The following FRMD4A variants were observed in gnomAD, a reference collection of about 807,000 sequenced individuals.
FRMD4A encodes FERM domain-containing protein 4A.
Under a neutral mutation model 129.1 loss-of-function variants are expected in FRMD4A, and 29 were observed. The observed-to-expected ratio is 0.22, with a 90% confidence interval of 0.17 to 0.31. The LOEUF (loss-of-function observed/expected upper bound fraction) is 0.31. FRMD4A is among the 10% of genes least tolerant of loss of function. The probability of loss-of-function intolerance (pLI) is 1.00; values close to 1 mark genes in which losing one functional copy is unlikely to be tolerated. For missense variants in FRMD4A, 1,272 were observed against 1,375.8 expected (o/e 0.92, Z 1.19); for synonymous variants, 634 against 571.6 (o/e 1.11, Z -1.56).
chr10:13,737,833 A>G lies in FRMD4A; in HGVS notation c.759+11T>C, dbSNP rs1312619544. 2.0e-6 allele frequency: 3 copies of G among 1,497,714 alleles called. No individual in the cohort carries two copies. In the African/African-American group the frequency reaches 4.1e-5, roughly 21 times the overall value. The allele number at this position is 1,497,714 out of a possible 1,614,324, so 92.8% of individuals were successfully genotyped here. The stretch of plus-strand genomic sequence containing the variant: ...GAGAGGAGTTAAACCCAAGCAGGAG[A>G]CCAGCCTTACCTTTCTTGGCTTCAC... On this transcript the variant is annotated intron_variant, in intron 12 of 24. Transcript: ENST00000357447.
At chr10:13,829,983 C>A (rs1024352730) in intron 3 of FRMD4A, among the ~76,000 whole-genome samples, 1 of 152,222 alleles carries the variant, frequency 6.6e-6, no homozygotes, top group Non-Finnish European at 1.5e-5. Flanking sequence ...GTCGCTGGCA[C>A]CTGATCGGAT....
chr10:14,330,783 G>A lies in FRMD4A; in HGVS notation c.-268C>T, dbSNP rs74816050. 2.0e-3 allele frequency: 811 copies of A among 398,776 alleles called. 6 individuals carry two copies. Among genetic ancestry groups the A allele is most frequent in the African/African-American group, 0.015 (707 of 48,718 alleles). 24.7% of individuals were successfully genotyped at this position (398,776 alleles called of 1,614,324 possible). A position where few individuals can be genotyped will look rare whatever the true frequency, so the allele number is the denominator to read the frequency against. On this transcript the variant is annotated 5_prime_UTR_variant, in exon 1 of 25. Transcript: ENST00000357447. ...GGAACTGACCCTTCCACCTTCCCCA[G>A]ATCTACTTTTCCTCTCCAAGTAGAC...
intron 2 of FRMD4A, among the ~76,000 whole-genome samples, chr10:14,110,478 T>C (rs957348240): frequency 3.3e-5 from 5 of 152,352 alleles, no homozygotes; most frequent in South Asian, 4.1e-4. Flanking sequence ...TGTAAGGCTA[T>C]TCTCTTTTAT....
chr10:14,224,180 A>C (rs1843360172), intron 2 of FRMD4A, among the ~76,000 whole-genome samples: 1 of 152,248 alleles, frequency 6.6e-6, no homozygotes, highest in African/African-American at 2.4e-5. Context: ...AAAAGTGTGC[A>C]GAAAGCCAGC....
chr10:14,132,006 A>T (rs1406069535), intron 2 of FRMD4A, among the ~76,000 whole-genome samples: 2 of 152,188 alleles, frequency 1.3e-5, no homozygotes, highest in East Asian at 1.9e-4. Context: ...ATAAAATTCA[A>T]ACATAAGGCC....
At chr10:13,715,905 CAAAAAAAAAAA>C (rs61600242) in intron 12 of FRMD4A, among the ~76,000 whole-genome samples, 1 of 125,464 alleles carries the variant, frequency 8.0e-6, no homozygotes, top group Non-Finnish European at 1.6e-5. Flanking sequence ...ACTCCCCCCT[CAAAAAAAAAAA>C]AAAAAAAAGA....
intron 2 of FRMD4A, among the ~76,000 whole-genome samples, chr10:13,882,348 A>G (rs2094557028): frequency 6.6e-6 from 1 of 152,160 alleles, no homozygotes; most frequent in Admixed American, 6.5e-5. Context: ...AGAACAGCTG[A>G]CTCCGAGCAA....
intron 12 of FRMD4A, among the ~76,000 whole-genome samples, chr10:13,736,128 G>A (rs2090617019): frequency 6.6e-6 from 1 of 152,076 alleles, no homozygotes; most frequent in Non-Finnish European, 1.5e-5. Context: ...CTCCAGCCTG[G>A]GAGACAGAGC....
chr10:14,079,642 T>A (rs1201451362), intron 2 of FRMD4A, among the ~76,000 whole-genome samples: 1 of 152,156 alleles, frequency 6.6e-6, no homozygotes, highest in Admixed American at 6.5e-5. Flanking sequence ...TTGGTGTGAT[T>A]CTGTGTGTCC....
intron 13 of FRMD4A, among the ~76,000 whole-genome samples, chr10:13,701,999 G>A (rs2086876811): frequency 6.6e-6 from 1 of 152,204 alleles, no homozygotes; most frequent in African/African-American, 2.4e-5. Flanking sequence ...AGGGCAGGGA[G>A]GGTATAAAGA....
chr10:13,864,328 C>T (rs903862494), intron 2 of FRMD4A, among the ~76,000 whole-genome samples: 7 of 109,648 alleles, frequency 6.4e-5, no homozygotes, highest in African/African-American at 1.1e-4. Flanking sequence ...ACAGTGCAAA[C>T]ATCTTGAGTC....
intron 2 of FRMD4A, among the ~76,000 whole-genome samples, chr10:14,328,374 G>A (rs79503343): frequency 1.5e-5 from 2 of 130,592 alleles, no homozygotes; most frequent in East Asian, 2.5e-4. Flanking sequence ...GTGGGTGGGG[G>A]GGGGGGGTGT....
At chr10:13,651,686 C>A (rs2081601538) in intron 24 of FRMD4A, 1 of 562,226 alleles carries the variant, frequency 1.8e-6, no homozygotes, top group Admixed American at 3.1e-5. Context: ...ACAAAACATA[C>A]TCTGGGGGTC....
intron 8 of FRMD4A, among the ~76,000 whole-genome samples, chr10:13,759,090 T>C (rs1295939586): frequency 6.6e-6 from 1 of 152,128 alleles, no homozygotes; most frequent in Non-Finnish European, 1.5e-5. Flanking sequence ...AAAAAGGGTG[T>C]TTATCAGAGA....
chr10:13,743,097 G>T (rs1470830175), intron 9 of FRMD4A, among the ~76,000 whole-genome samples: 1 of 152,124 alleles, frequency 6.6e-6, no homozygotes, highest in African/African-American at 2.4e-5. Context: ...CAGCTACAGG[G>T]GGCCTTGCCT....
At chr10:13,960,078 C>T (rs1297586506) in intron 2 of FRMD4A, among the ~76,000 whole-genome samples, 1 of 152,166 alleles carries the variant, frequency 6.6e-6, no homozygotes, top group Non-Finnish European at 1.5e-5. Flanking sequence ...AGAGAGAATA[C>T]AGGGCTGTTT....
At chr10:14,185,419 A>C (rs902300160) in intron 2 of FRMD4A, among the ~76,000 whole-genome samples, 16 of 152,210 alleles carry the variant, frequency 1.1e-4, no homozygotes, top group Admixed American at 7.9e-4. Flanking sequence ...CCCTAAGCGT[A>C]AGGAGAGCTA....
chr10:13,680,801 C>T (rs1314204116), intron 15 of FRMD4A, among the ~76,000 whole-genome samples: 1 of 151,788 alleles, frequency 6.6e-6, no homozygotes, highest in Admixed American at 6.6e-5. Flanking sequence ...AATACTAGCA[C>T]TCTGGGAGGC....
At chr10:14,311,713 T>C (rs977260284) in intron 2 of FRMD4A, among the ~76,000 whole-genome samples, 3 of 152,016 alleles carry the variant, frequency 2.0e-5, no homozygotes, top group Non-Finnish European at 4.4e-5. Context: ...TTCTCCCTCC[T>C]GCCCCACAAA....
Sources: allele counts gnomAD v4.1 joint callset (sites outside exome capture counted in the v4.1 genomes callset), GRCh38; gene constraint gnomAD v4.1.1; transcripts MANE v1.5; gene names NCBI Gene and HGNC (gene_info 2026-07-23, HGNC 2026-07-21).